TPM4: variants seen among roughly 807,000 people sequenced by gnomAD.
The protein encoded by TPM4 is tropomyosin alpha-4 chain.
In TPM4, 17 loss-of-function variants were observed where a neutral mutation model predicts 35.8. The ratio of observed to expected loss-of-function variants is 0.47; its 90% CI spans 0.32 to 0.71. TPM4 has a LOEUF of 0.71. Among genes scored for constraint, TPM4 ranks in the 30% least tolerant of loss-of-function variants. TPM4 has a pLI of 0.03. For missense variants in TPM4, 240 were observed against 320.9 expected (o/e 0.75, Z 1.93); for synonymous variants, 120 against 122.9 (o/e 0.98, Z 0.15).
At chr19:16,088,143 G>A (rs1230612306) in intron 4 of TPM4, 46 bp downstream of exon 4, 1 of 1,584,190 alleles carries the variant, frequency 6.3e-7, no homozygotes, top group Non-Finnish European at 8.6e-7. Context: ...GATTCCTGGG[G>A]CGGAGTGGGA....
At chr19:16,076,740 C>G (rs1011513193) in intron 1 of TPM4, 43 bp downstream of exon 1, 1 of 1,285,258 alleles carries the variant, frequency 7.8e-7, no homozygotes, top group Non-Finnish European at 9.9e-7. Context: ...AGCCTCCTCC[C>G]CCGCGCGCCC....
At chr19:16,093,814 G>A (rs186932899) in intron 7 of TPM4, 61 bp downstream of exon 7, 25 of 1,584,398 alleles carry the variant, frequency 1.6e-5, no homozygotes, top group African/African-American at 6.7e-5. Context: ...ACACATCCAC[G>A]GACAGTTGGG....
chr19:16,095,339 C>G, intron 7 of TPM4: 11 of 1,038,050 alleles, frequency 1.1e-5, no homozygotes, highest in Non-Finnish European at 1.3e-5. Context: ...GACATGACCT[C>G]TCTCTGAGAG....
intron 1 of TPM4, among the ~76,000 whole-genome samples, chr19:16,079,565 C>T (rs551124700): frequency 6.6e-6 from 1 of 152,260 alleles, no homozygotes; most frequent in East Asian, 1.9e-4. Flanking sequence ...TGTGGGAGTG[C>T]CCTCTTTCTG....
Position 16,070,457 on chromosome 19 carries a change from T to C in TPM4, c.114+2719T>C, listed in dbSNP as rs185082830. Among the ~76,000 whole-genome samples the C allele has an allele frequency of 4.5e-3, 688 of 152,258 alleles. 4 individuals carry two copies. The highest frequency in any genetic ancestry group is 0.016 in the African/African-American group (653 of 41,536). ...AAACCCTGGGAGATGCCTAGGACCA[T>C]GGCACCGAGTGCCCAGCCCCACCCA... On this transcript the variant is annotated intron_variant, in intron 2 of 2. Transcript: ENST00000589897. This position sits in a 1 kb window ranked among gnomAD's most constrained non-coding sequence, Gnocchi z 7.4.
chr19:16,088,217 G>A (rs1034790579), intron 4 of TPM4, 120 bp downstream of exon 4: 2 of 1,456,102 alleles, frequency 1.4e-6, no homozygotes, highest in Non-Finnish European at 1.9e-6. Flanking sequence ...CGGGCGTCAG[G>A]GGCTCATGGC....
At chr19:16,089,668 C>CTTT (rs35056151) in intron 5 of TPM4, among the ~76,000 whole-genome samples, 3 of 129,522 alleles carry the variant, frequency 2.3e-5, no homozygotes, top group Non-Finnish European at 3.2e-5. Context: ...CCACCCCCCA[C>CTTT]TTTTTTTTTT....
chr19:16,067,564 A>G lies in TPM4; in HGVS notation c.-61A>G. ...CTCTGCCCCACAGCCACAGCCCCTGACTGCCGCAGCCCCCACAGAGCCCGC... is the reference window on the plus strand; with the variant it reads ...CTCTGCCCCACAGCCACAGCCCCTGGCTGCCGCAGCCCCCACAGAGCCCGC... On this transcript the variant is annotated 5_prime_UTR_variant, in exon 2 of 3. Transcript: ENST00000589897. The surrounding 1 kb of genome is among the most constrained non-coding windows in gnomAD (Gnocchi z 4.1). 6.7e-7 allele frequency: 1 copy of G among 1,484,810 alleles called. No individual in the cohort carries two copies. 92.0% of individuals were successfully genotyped at this position (1,484,810 alleles called of 1,614,324 possible). A position where few individuals can be genotyped will look rare whatever the true frequency, so the allele number is the denominator to read the frequency against.
At position 16,081,996 on chromosome 19, in the gene TPM4, G is replaced by A. The variant is rs535782808; in HGVS notation, c.216G>A (p.Thr72=). The A allele has an allele frequency of 1.6e-3, 2,518 of 1,610,476 alleles. 25 individuals carry two copies. The highest frequency in any genetic ancestry group is 0.016 in the South Asian group (1,411 of 90,906). Residue 72 remains threonine, a synonymous_variant, in exon 2 of 8, where the codon ACG becomes ACA. Coordinates refer to ENST00000643579, the MANE Select transcript of TPM4 (RefSeq NM_003290.3). ...ELDRAQERLA[T]ALQKLEEAEK... The stretch of plus-strand genomic sequence containing the variant: ...ACAGGGCTCAGGAACGACTGGCCAC[G>A]GCCCTGCAGAAGCTGGAGGAGGCAG...
rs764078484 is a variant in TPM4, at chr19:16,093,615, C to T, written c.594+17C>T. 1.9e-6 allele frequency: 3 copies of T among 1,614,030 alleles called. No homozygotes were observed. Among genetic ancestry groups the T allele is most frequent in the Non-Finnish European group, 2.5e-6 (3 of 1,180,034 alleles). ...CTGAAAGAGGTGAGTGTGGTGGCAC[C>T]CAGCGAGCTCTGGTTTCTCCTGGGG... On this transcript the variant is annotated intron_variant, in intron 6 of 7. Coordinates refer to ENST00000643579, the MANE Select transcript of TPM4 (RefSeq NM_003290.3).
intron 3 of TPM4, among the ~76,000 whole-genome samples, chr19:16,086,774 C>G (rs1157916976): frequency 6.6e-6 from 1 of 152,166 alleles, no homozygotes; most frequent in African/African-American, 2.4e-5. Context: ...GATCAGCTCA[C>G]TTGTGTCGTT....
Position 16,088,095 on chromosome 19 carries a change from A to G in TPM4, c.453A>G (p.Glu151=). 6.2e-7 allele frequency: 1 copy of G among 1,611,076 alleles called. No homozygotes were observed. Among genetic ancestry groups the G allele is most frequent in the Non-Finnish European group, 8.5e-7 (1 of 1,179,068 alleles). Residue 151 remains glutamate (E), a splice_region_variant and synonymous_variant, in exon 4 of 8, where the codon GAA becomes GAG. Coordinates refer to ENST00000643579, the MANE Select transcript of TPM4 (RefSeq NM_003290.3). Reference sequence around the variant, plus strand: ...CAGAGGAGCGTGCGGAGGTGTCTGAACTGTGAGTGGCAGAACAGGACTGAG... The same window carrying G: ...CAGAGGAGCGTGCGGAGGTGTCTGAGCTGTGAGTGGCAGAACAGGACTGAG... The part of the protein sequence containing the change: ...ERAEERAEVS[E]LKCGDLEEEL...
At chr19:16,086,033 C>T (rs528454003) in intron 2 of TPM4, among the ~76,000 whole-genome samples, 23 of 145,660 alleles carry the variant, frequency 1.6e-4, no homozygotes, top group Admixed American at 4.9e-4. Context: ...CACACTACTG[C>T]ACTCCAGCCT....
At chr19:16,076,239 G>A (rs1242810615), upstream of TPM4, 2 of 1,546,580 alleles carry the variant, frequency 1.3e-6, no homozygotes, top group African/African-American at 1.4e-5. Flanking sequence ...GGGAAGGCGG[G>A]GAGAGCCGCA....
rs189639502 is a variant in TPM4, at chr19:16,082,576, G to A, written c.266+530G>A. On this transcript the variant is annotated intron_variant, in intron 2 of 7. Coordinates refer to ENST00000643579, the MANE Select transcript of TPM4 (RefSeq NM_003290.3). ...AAAAGAAACTTCCGACAGACAGAAAGGCAAACAGAACGGGCAGATGTGAGA... is the reference window on the plus strand; with the variant it reads ...AAAAGAAACTTCCGACAGACAGAAAAGCAAACAGAACGGGCAGATGTGAGA... 3.2e-3 allele frequency among the ~76,000 whole-genome samples: 490 copies of A among 152,314 alleles called. 1 individual carries two copies. The highest frequency in any genetic ancestry group is 0.011 in the African/African-American group (468 of 41,574).
chr19:16,067,601 C>T lies in TPM4; in HGVS notation c.-24C>T. 1.9e-6 allele frequency: 3 copies of T among 1,605,772 alleles called. No homozygotes were observed. The highest frequency in any genetic ancestry group is 1.7e-6 in the Non-Finnish European group (2 of 1,175,186). On this transcript the variant is annotated 5_prime_UTR_variant, in exon 2 of 3. Coordinates refer to the TPM4 transcript ENST00000589897. This position sits in a 1 kb window ranked among gnomAD's most constrained non-coding sequence, Gnocchi z 4.1. ...CCCACAGAGCCCGCCGCGCACCCCA[C>T]GTCCCCCACGCCAGCGCCCAGCCAT... is the stretch of plus-strand genomic sequence containing the variant.
chr19:16,078,544 G>C (rs953250114), intron 1 of TPM4, among the ~76,000 whole-genome samples: 1 of 152,184 alleles, frequency 6.6e-6, no homozygotes, highest in Non-Finnish European at 1.5e-5. Flanking sequence ...AGCCTCAATC[G>C]GTAGCCGGTC....
chr19:16,088,352 G>T (rs2090585002), intron 4 of TPM4: 4 of 1,317,192 alleles, frequency 3.0e-6, no homozygotes, highest in Non-Finnish European at 3.9e-6. Flanking sequence ...ACAGGAGGCA[G>T]CAGGGAAGCC....
intron 3 of TPM4, among the ~76,000 whole-genome samples, chr19:16,087,463 G>A (rs2090570125): frequency 6.6e-6 from 1 of 152,194 alleles, no homozygotes; most frequent in Non-Finnish European, 1.5e-5. Context: ...TGTAAGCCCA[G>A]CTATTTGGAA....
Sources: gnomAD v4.1 joint callset for allele counts (sites outside exome capture counted in the v4.1 genomes callset) on GRCh38, gnomAD v4.1.1 for gene constraint, Gnocchi (gnomAD v3.1) non-coding constraint, MANE v1.5 for transcripts, NCBI Gene and HGNC (gene_info 2026-07-23, HGNC 2026-07-21) for gene names.